The following RTN3 variants were observed in gnomAD, a reference collection of about 807,000 sequenced individuals.
RTN3 encodes reticulon 3, also known as reticulon-3.
Under a neutral mutation model 77.8 loss-of-function variants are expected in RTN3, and 49 were observed. The observed-to-expected ratio is 0.63, with a 90% CI of 0.50 to 0.80. RTN3 has a LOEUF of 0.80. RTN3 is among the 30% of genes least tolerant of loss of function. RTN3 has a pLI of 0.00. For synonymous variants in RTN3, 464 were observed against 446.9 expected (o/e 1.04, Z -0.48); for missense variants, 1,236 against 1,211.9 (o/e 1.02, Z -0.29).
Position 63,720,133 on chromosome 11 carries a change from G to A in RTN3, c.1631G>A (p.Ser544Asn). The A allele has an allele frequency of 1.2e-6, 2 of 1,613,774 alleles. No homozygotes were observed. The highest frequency in any genetic ancestry group is 1.1e-5 in the South Asian group (1 of 90,942). Residue 544 changes from serine (S) to asparagine (N), a missense_variant, in exon 3 of 9, where the codon AGT becomes AAT. By Grantham distance (46) the Ser-to-Asn change is conservative (BLOSUM62 1). This residue lies in a region of RTN3 where 1,056 missense variants were observed against 990.4 expected (regional missense o/e 1.07). Coordinates refer to ENST00000377819, the MANE Select transcript of RTN3 (RefSeq NM_001265589.2). ...TGEREIKEIP[S>N]CEREEKTSKN... ...GAAAGAGAAATCAAAGAGATTCCCA[G>A]TTGTGAGAGAGAAGAAAAAACATCT... is the stretch of plus-strand genomic sequence containing the variant.
chr11:63,729,989 C>G (rs189366089), intron 3 of RTN3, among the ~76,000 whole-genome samples: 2 of 152,064 alleles, frequency 1.3e-5, no homozygotes, highest in Admixed American at 1.3e-4. Flanking sequence ...TTTTTTGAGA[C>G]AGAGTCTCAC....
chr11:63,752,491 T>C lies in RTN3; in HGVS notation c.2739-16T>C. The C allele has an allele frequency of 1.9e-6, 3 of 1,610,086 alleles. No individual in the cohort carries two copies. Among genetic ancestry groups the C allele is most frequent in the South Asian group, 1.1e-5 (1 of 90,772 alleles). ...TTCCATGTCAAATGTATGACTGTTA[T>C]TTCTTCTTCTGGAAGAGCCTACCTG... On this transcript the variant is annotated splice_polypyrimidine_tract_variant and intron_variant, in intron 4 of 8. Transcript: ENST00000377819.
At chr11:63,714,245 A>G (rs1236700716) in intron 2 of RTN3, 1 of 350,630 alleles carries the variant, frequency 2.9e-6, no homozygotes, top group African/African-American at 2.1e-5. Flanking sequence ...TAAAGCACAG[A>G]TGATGATGCT....
rs1426911978 is a variant in RTN3, at chr11:63,759,149, C to G, written c.*948C>G. 6.6e-6 allele frequency: 1 copy of G among 152,212 alleles called. No homozygotes were observed. Among genetic ancestry groups the G allele is most frequent in the Non-Finnish European group, 1.5e-5 (1 of 68,046 alleles). 9.4% of individuals were successfully genotyped at this position (152,212 alleles called of 1,614,324 possible). On this transcript the variant is annotated 3_prime_UTR_variant, in exon 9 of 9. Coordinates refer to ENST00000377819, the MANE Select transcript of RTN3 (RefSeq NM_001265589.2). ...TTATTGAGTTTTTGTGATCCTATCTCAGTCTGGGGGGGAACATTCTCAAGA... is the reference window on the plus strand; with the variant it reads ...TTATTGAGTTTTTGTGATCCTATCTGAGTCTGGGGGGGAACATTCTCAAGA...
At chr11:63,686,237 G>A (rs1175591943) in intron 1 of RTN3, among the ~76,000 whole-genome samples, 15 of 152,104 alleles carry the variant, frequency 9.9e-5, no homozygotes, top group African/African-American at 3.6e-4. Flanking sequence ...TTGGGAGGCC[G>A]AGGCAGGCGG....
At chr11:63,685,324 G>A (rs970420757) in intron 1 of RTN3, among the ~76,000 whole-genome samples, 2 of 151,374 alleles carry the variant, frequency 1.3e-5, no homozygotes, top group African/African-American at 4.9e-5. Flanking sequence ...GTGGAACCCT[G>A]TCTCTACTAA....
chr11:63,714,200 T>G, intron 2 of RTN3: 1 of 358,982 alleles, frequency 2.8e-6, no homozygotes, highest in Non-Finnish European at 5.5e-6. Context: ...AATGGTATTT[T>G]CATTTGCTGA....
At chr11:63,732,753 C>T (rs1190141030) in intron 3 of RTN3, among the ~76,000 whole-genome samples, 5 of 152,020 alleles carry the variant, frequency 3.3e-5, no homozygotes, top group East Asian at 1.9e-4. Context: ...GAGAATTCTT[C>T]GAAGCATATA....
chr11:63,741,362 C>T (rs2013466748), intron 3 of RTN3, among the ~76,000 whole-genome samples: 1 of 151,598 alleles, frequency 6.6e-6, no homozygotes, highest in South Asian at 2.1e-4. Context: ...GCCACCACGC[C>T]TGGCTAATTT....
intron 4 of RTN3, 137 bp downstream of exon 4, chr11:63,750,335 CCCTAGAGA>C (rs1370382252): frequency 1.4e-6 from 1 of 704,470 alleles, no homozygotes; most frequent in East Asian, 2.7e-5. Flanking sequence ...ATGAAGCATC[CCCTAGAGA>C]CCTTGAAATC....
chr11:63,681,949 G>A (rs557201843), intron 1 of RTN3, among the ~76,000 whole-genome samples, 171 bp downstream of exon 1: 140 of 152,408 alleles, frequency 9.2e-4, no homozygotes, highest in Non-Finnish European at 1.7e-3. Context: ...GGGAACGTAA[G>A]GTTGTGCAGG....
chr11:63,722,359 C>T (rs558038905), intron 3 of RTN3, among the ~76,000 whole-genome samples: 4 of 152,222 alleles, frequency 2.6e-5, no homozygotes, highest in African/African-American at 7.2e-5. Context: ...CATTTTCTTA[C>T]TGGAAACTGT....
intron 1 of RTN3, among the ~76,000 whole-genome samples, chr11:63,704,617 G>T (rs1310312600): frequency 6.8e-6 from 1 of 147,838 alleles, no homozygotes; most frequent in Non-Finnish European, 1.5e-5. Flanking sequence ...GAGAATGTTT[G>T]ACTAAAAAAA....
chr11:63,747,833 T>C (rs2013884883), intron 3 of RTN3, among the ~76,000 whole-genome samples: 1 of 152,222 alleles, frequency 6.6e-6, no homozygotes, highest in African/African-American at 2.4e-5. Context: ...TTCATTTTCT[T>C]CATTTTTCAG....
intron 3 of RTN3, among the ~76,000 whole-genome samples, chr11:63,726,999 G>A (rs552948638): frequency 2.0e-5 from 3 of 152,194 alleles, no homozygotes; most frequent in South Asian, 4.1e-4. Context: ...AGGCCAGCCT[G>A]GGCAGCATGG....
rs1371767347 is a variant in RTN3, at chr11:63,735,592, CTCTCTCTCTT to C, written c.2531-14395_2531-14386del. On this transcript the variant is annotated intron_variant, in intron 3 of 8. Coordinates refer to ENST00000377819, the MANE Select transcript of RTN3 (RefSeq NM_001265589.2). The stretch of plus-strand genomic sequence containing the variant: ...TCTCTCTCTCTCTCTCTCTCTCTCT[CTCTCTCTCTT>C]TCTTTCAACCCCTGTTTCCTGGGCT... 7.1e-4 allele frequency among the ~76,000 whole-genome samples: 106 copies of C among 149,092 alleles called. 2 individuals carry two copies. The highest frequency in any genetic ancestry group is 2.2e-3 in the Admixed American group (33 of 14,912).
At chr11:63,732,015 G>A (rs956723411) in intron 3 of RTN3, among the ~76,000 whole-genome samples, 5 of 151,406 alleles carry the variant, frequency 3.3e-5, no homozygotes, top group African/African-American at 7.3e-5. Flanking sequence ...TCTAAGGTTC[G>A]AACTTGAAAA....
chr11:63,685,495 C>CAAAAAAAAA lies in RTN3; in HGVS notation c.142+3723_142+3731dup, dbSNP rs55888863. 2.2e-4 allele frequency among the ~76,000 whole-genome samples: 25 copies of CAAAAAAAAA among 115,670 alleles called. No individual in the cohort carries two copies. In the East Asian group the frequency reaches 2.6e-3, roughly 12 times the overall value. 75.9% of individuals were successfully genotyped at this position (115,670 alleles called of 152,430 possible). A position where few individuals can be genotyped will look rare whatever the true frequency, so the allele number is the denominator to read the frequency against. ...TAGGCGACACAGCAAGACTCCATCT[C>CAAAAAAAAA]AAAAAAAAAAAAAAGTTACTGCAAT... On this transcript the variant is annotated intron_variant, in intron 1 of 8. Transcript: ENST00000377819.
rs144688008 is a variant in RTN3 at position 63,685,475 on chromosome 11, G to A, written c.142+3697G>A. 8.6e-3 allele frequency among the ~76,000 whole-genome samples: 864 copies of A among 101,034 alleles called. 16 individuals are homozygous for A. The highest frequency in any genetic ancestry group is 0.044 in the African/African-American group (825 of 18,812). 66.3% of individuals were successfully genotyped at this position (101,034 alleles called of 152,430 possible). A position where few individuals can be genotyped will look rare whatever the true frequency, so the allele number is the denominator to read the frequency against. On this transcript the variant is annotated intron_variant, in intron 1 of 8. Coordinates refer to ENST00000377819, the MANE Select transcript of RTN3 (RefSeq NM_001265589.2). ...CACACCATGGCACTCCAGCCTAGGC[G>A]ACACAGCAAGACTCCATCTCAAAAA...
Sources: gnomAD v4.1 joint callset for allele counts (sites outside exome capture counted in the v4.1 genomes callset) on GRCh38, gnomAD v4.1.1 for gene constraint, gnomAD v4.1.1 regional missense constraint, MANE v1.5 for transcripts, NCBI Gene and HGNC (gene_info 2026-07-23, HGNC 2026-07-21) for gene names.